Variants in CCM2L observed in about 807,000 individuals in gnomAD.
CCM2L encodes CCM2 like scaffold protein, also known as cerebral cavernous malformations 2 protein-like.
Under a neutral mutation model 54.1 loss-of-function variants are expected in CCM2L, and 36 were observed. The observed-to-expected ratio is 0.67, with a 90% CI of 0.51 to 0.88. CCM2L has a LOEUF of 0.88. Ranked by LOEUF, CCM2L falls within the 40% of genes least tolerant of loss-of-function variation. The pLI is 0.00. For synonymous variants in CCM2L, 351 were observed against 359.3 expected (o/e 0.98, Z 0.26); for missense variants, 700 against 812.1 (o/e 0.86, Z 1.68).
rs1395049731 is a variant in CCM2L at position 32,019,102 on chromosome 20, G to A, written c.626G>A (p.Gly209Glu). 2.5e-6 allele frequency: 3 copies of A among 1,180,914 alleles called. No homozygotes were observed. Among genetic ancestry groups the A allele is most frequent in the Admixed American group, 9.1e-5 (2 of 21,878 alleles). 73.2% of individuals were successfully genotyped at this position (1,180,914 alleles called of 1,614,324 possible). Residue 209 changes from glycine to glutamate, a missense_variant, in exon 5 of 10, where the codon GGG (glycine) becomes GAG (glutamate). Gly to Glu is a moderately conservative substitution (Grantham distance 98). Transcript: ENST00000452892. Reference sequence around the variant, plus strand: ...CTGGACTGGCGGATGGGGTGGGGTGGGGGCGCCGCGGAGGCCCGGGCCGGG... The same window carrying A: ...CTGGACTGGCGGATGGGGTGGGGTGAGGGCGCCGCGGAGGCCCGGGCCGGG... ...CSLDWRMGWG[G>E]GAAEARAGGG...
intron 1 of CCM2L, among the ~76,000 whole-genome samples, chr20:32,012,306 G>A (rs1020583585): frequency 1.3e-4 from 20 of 151,938 alleles, no homozygotes; most frequent in Admixed American, 1.2e-3. Flanking sequence ...GCCTGTAATC[G>A]CAACACTTTG....
chr20:32,031,365 C>G lies in CCM2L; in HGVS notation c.*51C>G. The G allele has an allele frequency of 8.2e-7, 1 of 1,219,170 alleles. No individual in the cohort carries two copies. The highest frequency in any genetic ancestry group is 1.4e-5 in the South Asian group (1 of 71,474). The allele number at this position is 1,219,170 out of a possible 1,614,324, so 75.5% of individuals were successfully genotyped here. Reference sequence around the variant, plus strand: ...TCAGCAGCCCACCTCTGAGTCTCAGCTTTGCTTCGGGGACCCTATCCCCAG... The same window carrying G: ...TCAGCAGCCCACCTCTGAGTCTCAGGTTTGCTTCGGGGACCCTATCCCCAG... On this transcript the variant is annotated 3_prime_UTR_variant, in exon 10 of 10. Transcript: ENST00000452892.
chr20:32,012,038 G>C (rs1043236530), intron 1 of CCM2L, among the ~76,000 whole-genome samples: 4 of 151,516 alleles, frequency 2.6e-5, no homozygotes, highest in African/African-American at 7.3e-5. Context: ...TCCAGCCTTT[G>C]AGGCATCCAG....
rs746058580 is a variant in CCM2L at position 32,018,978 on chromosome 20, G to A, written c.502G>A (p.Ala168Thr). ...GVDPVPAGVDASPGGAGRDPG... is the reference protein window; with the variant it reads ...GVDPVPAGVDTSPGGAGRDPG... ...GGACCCGGTGCCGGCCGGCGTGGAT[G>A]CCAGCCCAGGCGGCGCAGGACGCGA... The change falls in exon 5 of 10, where the codon GCC becomes ACC. Residue 168 changes from alanine to threonine, a missense_variant. Transcript: ENST00000452892. 4 of 1,401,968 alleles carry A rather than the reference G, an allele frequency of 2.9e-6. No homozygotes were observed. Among genetic ancestry groups the A allele is most frequent in the Admixed American group, 3.1e-5 (1 of 32,062 alleles). 86.8% of individuals were successfully genotyped at this position (1,401,968 alleles called of 1,614,324 possible).
chr20:32,019,361 C>T lies in CCM2L; in HGVS notation c.885C>T (p.Pro295=). The T allele has an allele frequency of 6.6e-7, 1 of 1,515,372 alleles. No individual in the cohort carries two copies. Among genetic ancestry groups the T allele is most frequent in the Non-Finnish European group, 8.8e-7 (1 of 1,139,212 alleles). The allele number at this position is 1,515,372 out of a possible 1,614,324, so 93.9% of individuals were successfully genotyped here. A position where few individuals can be genotyped will look rare whatever the true frequency, so the allele number is the denominator to read the frequency against. ...CCAACCCGCTCGACCCGCAGGACCC[C>T]AGCCCCGACGCCTACTGCAACCTGG... is the stretch of plus-strand genomic sequence containing the variant. ...PGPNPLDPQD[P]SPDAYCNLVI... The change falls in exon 5 of 10, where the codon CCC becomes CCT. Residue 295 remains proline, a synonymous_variant. Transcript: ENST00000452892.
intron 6 of CCM2L, among the ~76,000 whole-genome samples, chr20:32,024,527 A>G (rs1457750551): frequency 6.6e-6 from 1 of 152,160 alleles, no homozygotes; most frequent in Non-Finnish European, 1.5e-5. Flanking sequence ...TAAGTACACA[A>G]ATAAATACAC....
intron 9 of CCM2L, among the ~76,000 whole-genome samples, chr20:32,030,507 ATAAT>A (rs777081072): frequency 5.9e-5 from 9 of 152,142 alleles, no homozygotes; most frequent in Non-Finnish European, 1.0e-4. Flanking sequence ...GAGGTTCAAC[ATAAT>A]TAATCAATGG....
intron 1 of CCM2L, among the ~76,000 whole-genome samples, chr20:32,013,634 T>C (rs1370733782): frequency 6.6e-6 from 1 of 151,940 alleles, no homozygotes; most frequent in African/African-American, 2.4e-5. Flanking sequence ...ATATTTTTTG[T>C]AGAGACAGTT....
chr20:32,020,014 C>G (rs1342661949), intron 5 of CCM2L, among the ~76,000 whole-genome samples: 1 of 152,212 alleles, frequency 6.6e-6, no homozygotes, highest in Admixed American at 6.5e-5. Flanking sequence ...CTCCCCCATC[C>G]TCTTCATTCA....
In CCM2L at chr20:32,018,169, C is replaced by CGGGAGG. The variant is rs2064757304; in HGVS notation, c.466+11_466+16dup. On this transcript the variant is annotated splice_region_variant and intron_variant, in intron 4 of 9. Coordinates refer to ENST00000452892, the MANE Select transcript of CCM2L (RefSeq NM_001365692.1). Reference sequence around the variant, plus strand: ...CTGCTAGTGCTCAAGACCGGTGCGGCGGGAGGGGGCGGGGGCGGGGGAGGG... The same window carrying CGGGAGG: ...CTGCTAGTGCTCAAGACCGGTGCGGCGGGAGGGGGAGGGGGCGGGGGCGGGGGAGGG... The CGGGAGG allele has an allele frequency of 9.2e-7, 1 of 1,089,876 alleles. No individual in the cohort carries two copies. The highest frequency in any genetic ancestry group is 1.1e-6 in the Non-Finnish European group (1 of 873,258). The allele number at this position is 1,089,876 out of a possible 1,614,324, so 67.5% of individuals were successfully genotyped here. A position where few individuals can be genotyped will look rare whatever the true frequency, so the allele number is the denominator to read the frequency against.
chr20:32,031,425 CT>C lies in CCM2L; in HGVS notation c.*113del. The C allele has an allele frequency of 1.1e-6, 1 of 922,910 alleles. No individual in the cohort carries two copies. The highest frequency in any genetic ancestry group is 1.4e-6 in the Non-Finnish European group (1 of 699,028). The allele number at this position is 922,910 out of a possible 1,614,324, so 57.2% of individuals were successfully genotyped here. A position where few individuals can be genotyped will look rare whatever the true frequency, so the allele number is the denominator to read the frequency against. On this transcript the variant is annotated 3_prime_UTR_variant, in exon 10 of 10. Coordinates refer to ENST00000452892, the MANE Select transcript of CCM2L (RefSeq NM_001365692.1). ...ATCACACCTGGCGGGGCCGGGGGGTCTTCACTCCAGGGTCTCGCTCCCTGCC... is the reference window on the plus strand; with the variant it reads ...ATCACACCTGGCGGGGCCGGGGGGTCTCACTCCAGGGTCTCGCTCCCTGCC...
In CCM2L at chr20:32,019,241, C is replaced by T. The variant is rs1475438149; in HGVS notation, c.765C>T (p.Gly255=). ...GGGAGCGGCGGCACGGAGGCGGCGGCGGCGGCGGCGGCGCGGGAAAGCCGG... is the reference window on the plus strand; with the variant it reads ...GGGAGCGGCGGCACGGAGGCGGCGGTGGCGGCGGCGGCGCGGGAAAGCCGG... ...GSWERRHGGG[G]GGGGAGKPGG... is the part of the protein sequence containing the mutation. The change falls in exon 5 of 10, where the codon GGC becomes GGT. Residue 255 remains glycine, a synonymous_variant. Coordinates refer to ENST00000452892, the MANE Select transcript of CCM2L (RefSeq NM_001365692.1). 6.0e-6 allele frequency: 7 copies of T among 1,173,372 alleles called. No individual in the cohort carries two copies. The East Asian group carries it at 1.0e-4, about 17-fold the overall frequency. 72.7% of individuals were successfully genotyped at this position (1,173,372 alleles called of 1,614,324 possible). A position where few individuals can be genotyped will look rare whatever the true frequency, so the allele number is the denominator to read the frequency against.
chr20:32,025,859 A>G lies in CCM2L; in HGVS notation c.1073A>G (p.Glu358Gly), dbSNP rs1216367086. 7.7e-7 allele frequency: 1 copy of G among 1,303,796 alleles called. No homozygotes were observed. Among genetic ancestry groups the G allele is most frequent in the African/African-American group, 1.5e-5 (1 of 65,838 alleles). 80.8% of individuals were successfully genotyped at this position (1,303,796 alleles called of 1,614,324 possible). ...PERPWLCSRS[E>G]SCHTDGTYAY... ...TCCCTCTGTCTGCTGGTCCCAGGTG[A>G]GAGCTGCCACACAGATGGGACGTAT... is the stretch of plus-strand genomic sequence containing the variant. Residue 358 changes from glutamate (E) to glycine (G), a missense_variant, in exon 7 of 10, where the codon GAG (glutamate) becomes GGG (glycine). By Grantham distance (98) the Glu-to-Gly change is moderately conservative. Transcript: ENST00000452892.
chr20:32,018,939 C>T lies in CCM2L; in HGVS notation c.467-4C>T, dbSNP rs2064769434. On this transcript the variant is annotated splice_polypyrimidine_tract_variant and splice_region_variant and intron_variant, in intron 4 of 9. Transcript: ENST00000452892. ...GCGGCTGACGGTCCCCCGGACTCTC[C>T]TAGGTCTGGGTGTGGACCCGGTGCC... 1 of 1,383,214 alleles carries T rather than the reference C, an allele frequency of 7.2e-7. No individual in the cohort carries two copies. The highest frequency in any genetic ancestry group is 1.6e-5 in the South Asian group (1 of 62,470). 85.7% of individuals were successfully genotyped at this position (1,383,214 alleles called of 1,614,324 possible).
intron 7 of CCM2L, 35 bp from the exon 8 acceptor site, chr20:32,028,960 G>C (rs1460935938): frequency 1.2e-6 from 2 of 1,612,428 alleles, no homozygotes; most frequent in Non-Finnish European, 1.7e-6. Context: ...GAGCTGGAGG[G>C]AGGCGAGTGA....
intron 1 of CCM2L, 114 bp downstream of exon 1, chr20:32,010,598 T>C (rs2064684780): frequency 2.1e-6 from 2 of 968,582 alleles, no homozygotes; most frequent in Admixed American, 4.1e-5. Context: ...GGAGCCTTTC[T>C]TCTCATTTGG....
intron 1 of CCM2L, 82 bp downstream of exon 1, chr20:32,010,566 G>GC: frequency 1.0e-6 from 1 of 984,670 alleles, no homozygotes; most frequent in Non-Finnish European, 1.5e-6. Flanking sequence ...GGGGTGGGGG[G>GC]TCGGTAGCGA....
chr20:32,014,212 ATATT>A (rs1410462154), intron 1 of CCM2L, among the ~76,000 whole-genome samples: 1 of 148,598 alleles, frequency 6.7e-6, no homozygotes, highest in Admixed American at 6.8e-5. Flanking sequence ...TATATTATAT[ATATT>A]TATGTATATG....
At chr20:32,012,880 G>T (rs2064706007) in intron 1 of CCM2L, among the ~76,000 whole-genome samples, 2 of 152,236 alleles carry the variant, frequency 1.3e-5, no homozygotes, top group South Asian at 4.1e-4. Context: ...CTCCTTGCAG[G>T]CAGGGAGGTT....
Sources: gnomAD v4.1 joint callset for allele counts (sites outside exome capture counted in the v4.1 genomes callset) on GRCh38, gnomAD v4.1.1 for gene constraint, MANE v1.5 for transcripts, NCBI Gene and HGNC (gene_info 2026-07-23, HGNC 2026-07-21) for gene names.